Variants in VPS13B observed in about 807,000 individuals in gnomAD.
VPS13B encodes intermembrane lipid transfer protein VPS13B.
In VPS13B, 285 loss-of-function variants were observed where a neutral mutation model predicts 426.4. The observed-to-expected ratio is 0.67, with a 90% confidence interval of 0.61 to 0.74. VPS13B has a LOEUF of 0.74. Among genes scored for constraint, VPS13B ranks in the 30% least tolerant of loss-of-function variants. VPS13B has a pLI of 0.00. For synonymous variants in VPS13B, 1,676 were observed against 1,676.4 expected (o/e 1.00, Z 0.01); for missense variants, 4,537 against 4,782.6 (o/e 0.95, Z 1.51).
intron 39 of VPS13B, among the ~76,000 whole-genome samples, chr8:99,743,504 C>T (rs548889971): frequency 3.8e-4 from 58 of 152,080 alleles, no homozygotes; most frequent in African/African-American, 1.3e-3. Context: ...AAAAAGAGCC[C>T]GCATCGCCAA....
At chr8:99,506,182 A>G (rs1009077104) in intron 27 of VPS13B, among the ~76,000 whole-genome samples, 1 of 152,202 alleles carries the variant, frequency 6.6e-6, no homozygotes, top group Non-Finnish European at 1.5e-5. Context: ...AGATGGAGCA[A>G]TAGCTCATTT....
chr8:99,208,058 T>G (rs2132783992), intron 17 of VPS13B, among the ~76,000 whole-genome samples: 1 of 152,314 alleles, frequency 6.6e-6, no homozygotes, highest in East Asian at 1.9e-4. Flanking sequence ...CTAGGTGACT[T>G]AAAACAGCAA....
At chr8:99,667,625 T>C (rs2129842468) in intron 35 of VPS13B, among the ~76,000 whole-genome samples, 1 of 152,306 alleles carries the variant, frequency 6.6e-6, no homozygotes, top group Admixed American at 6.5e-5. Context: ...AAAATTTTCC[T>C]ACTGTAAGCA....
intron 20 of VPS13B, among the ~76,000 whole-genome samples, chr8:99,385,873 C>T (rs766867935): frequency 6.6e-6 from 1 of 152,094 alleles, no homozygotes; most frequent in Non-Finnish European, 1.5e-5. Context: ...AAGAAAGAGA[C>T]TTCAGTGATT....
chr8:99,542,527 T>C (rs779429102), intron 30 of VPS13B, among the ~76,000 whole-genome samples: 1 of 152,094 alleles, frequency 6.6e-6, no homozygotes, highest in Non-Finnish European at 1.5e-5. Flanking sequence ...AGGATGCTTG[T>C]TTTTTGTATC....
chr8:99,061,964 G>T (rs1844213240), intron 3 of VPS13B, among the ~76,000 whole-genome samples: 1 of 152,178 alleles, frequency 6.6e-6, no homozygotes, highest in South Asian at 2.1e-4. Context: ...GGTGTTCGTT[G>T]TTATTTTGTG....
At chr8:99,353,996 C>A (rs1444697591) in intron 19 of VPS13B, among the ~76,000 whole-genome samples, 2 of 151,868 alleles carry the variant, frequency 1.3e-5, no homozygotes, top group Admixed American at 6.6e-5. Context: ...ATTATCAGAT[C>A]CATGATTAAC....
At chr8:99,637,152 C>T (rs953999870) in intron 33 of VPS13B, among the ~76,000 whole-genome samples, 5 of 151,974 alleles carry the variant, frequency 3.3e-5, no homozygotes, top group Non-Finnish European at 7.4e-5. Context: ...GTGAACTCTT[C>T]GTTTTCCACA....
At chr8:99,812,277 G>A (rs1254453668) in intron 44 of VPS13B, among the ~76,000 whole-genome samples, 1 of 152,120 alleles carries the variant, frequency 6.6e-6, no homozygotes, top group Non-Finnish European at 1.5e-5. Context: ...ATTTGTTCTG[G>A]TTAAAGTACA....
At chr8:99,267,704 C>T (rs1216365984) in intron 17 of VPS13B, among the ~76,000 whole-genome samples, 12 of 148,442 alleles carry the variant, frequency 8.1e-5, no homozygotes, top group South Asian at 2.1e-4. Flanking sequence ...TCCAGCCTGG[C>T]GACAGAGTGA....
At chr8:99,672,919 C>T (rs1335981559) in intron 35 of VPS13B, among the ~76,000 whole-genome samples, 1 of 152,048 alleles carries the variant, frequency 6.6e-6, no homozygotes, top group Non-Finnish European at 1.5e-5. Flanking sequence ...TTTTGTCCTA[C>T]ATTCTGTTAA....
At chr8:99,675,956 C>T (rs973601407) in intron 35 of VPS13B, among the ~76,000 whole-genome samples, 27 of 151,840 alleles carry the variant, frequency 1.8e-4, no homozygotes, top group African/African-American at 5.6e-4. Context: ...TTTCAGGGGT[C>T]GGTCACTAGC....
intron 35 of VPS13B, among the ~76,000 whole-genome samples, chr8:99,691,659 A>G (rs957753637): frequency 6.6e-6 from 1 of 150,804 alleles, no homozygotes; most frequent in African/African-American, 2.4e-5. Flanking sequence ...ACCAGCTAAC[A>G]TCATAATGAC....
intron 2 of VPS13B, among the ~76,000 whole-genome samples, chr8:99,021,629 A>AG (rs1841895485): frequency 6.6e-6 from 1 of 151,042 alleles, no homozygotes; most frequent in African/African-American, 2.4e-5. Context: ...TCAAAAAAAA[A>AG]ACAAAAACAC....
At chr8:99,414,516 A>G (rs1377002007) in intron 21 of VPS13B, among the ~76,000 whole-genome samples, 3 of 152,094 alleles carry the variant, frequency 2.0e-5, no homozygotes, top group East Asian at 3.8e-4. Flanking sequence ...CATAGTGTCA[A>G]TGGTCTTTAC....
intron 17 of VPS13B, among the ~76,000 whole-genome samples, chr8:99,202,356 G>A (rs774154931): frequency 7.9e-5 from 12 of 152,198 alleles, no homozygotes; most frequent in Admixed American, 1.3e-4. Context: ...TCACAGAAAT[G>A]TATGATGAAT....
At chr8:99,348,772 A>G (rs969262455) in intron 19 of VPS13B, among the ~76,000 whole-genome samples, 1 of 152,212 alleles carries the variant, frequency 6.6e-6, no homozygotes, top group Non-Finnish European at 1.5e-5. Context: ...GTTCTTAAGT[A>G]TAAATCACTT....
chr8:99,812,715 C>T (rs988306490), intron 44 of VPS13B, among the ~76,000 whole-genome samples: 1 of 152,166 alleles, frequency 6.6e-6, no homozygotes, highest in African/African-American at 2.4e-5. Context: ...CTTTACTACT[C>T]TAAAATCTCA....
At chr8:99,673,728 G>A (rs1830810469) in intron 35 of VPS13B, among the ~76,000 whole-genome samples, 1 of 151,832 alleles carries the variant, frequency 6.6e-6, no homozygotes, top group Non-Finnish European at 1.5e-5. Flanking sequence ...CATTTATACT[G>A]TAGGTATTTA....
Sources: gnomAD v4.1 joint callset for allele counts (sites outside exome capture counted in the v4.1 genomes callset) on GRCh38, gnomAD v4.1.1 for gene constraint, MANE v1.5 for transcripts, NCBI Gene and HGNC (gene_info 2026-07-23, HGNC 2026-07-21) for gene names.